FGF13: variants seen among roughly 807,000 people sequenced by gnomAD.
FGF13 encodes fibroblast growth factor homologous factor 2.
A neutral mutation model predicts 19.5 loss-of-function variants in FGF13; 2 were observed. The observed-to-expected ratio is 0.10, with a 90% CI of 0.04 to 0.32. FGF13 has a LOEUF of 0.32. Ranked by LOEUF, FGF13 falls within the 10% of genes least tolerant of loss-of-function variation. The probability of loss-of-function intolerance (pLI) is 1.00; values close to 1 mark genes in which losing one functional copy is unlikely to be tolerated. For synonymous variants in FGF13, 72 were observed against 76.9 expected (o/e 0.94, Z 0.33); for missense variants, 113 against 192.7 (o/e 0.59, Z 2.45).
At chrX:138,909,064 AGACATGCTAAAT>A (rs1200654362) in intron 1 of FGF13, among the ~76,000 whole-genome samples, 1 of 112,284 alleles carries the variant, frequency 8.9e-6, no homozygotes, top group African/African-American at 3.2e-5. Flanking sequence ...AAGGCTGCTT[AGACATGCTAAAT>A]GTGCATAGCT....
chrX:139,151,985 C>T (rs1053446003), intron 1 of FGF13, among the ~76,000 whole-genome samples: 5 of 111,086 alleles, frequency 4.5e-5, no homozygotes, highest in Non-Finnish European at 9.4e-5. Flanking sequence ...GGAAAAATGT[C>T]CAGAAAGGCT....
chrX:139,183,283 C>G (rs2084254363), intron 1 of FGF13, among the ~76,000 whole-genome samples: 1 of 112,385 alleles, frequency 8.9e-6, no homozygotes, highest in Non-Finnish European at 1.9e-5. Context: ...AGAATCAACT[C>G]TGCCCTTCCA....
intron 3 of FGF13, among the ~76,000 whole-genome samples, chrX:138,754,918 G>A (rs986112443): frequency 5.4e-5 from 6 of 110,946 alleles, no homozygotes; most frequent in Non-Finnish European, 1.1e-4. Flanking sequence ...CACTGGGAGC[G>A]GACTCTTGGA....
At chrX:139,100,691 G>A (rs2083506018) in intron 1 of FGF13, among the ~76,000 whole-genome samples, 1 of 111,775 alleles carries the variant, frequency 8.9e-6, no homozygotes, top group African/African-American at 3.3e-5. Context: ...AAGGTGAAAA[G>A]CTTTGTAATA....
chrX:138,926,935 G>A (rs887150041), intron 1 of FGF13, among the ~76,000 whole-genome samples: 4 of 111,463 alleles, frequency 3.6e-5, no homozygotes, highest in Non-Finnish European at 7.5e-5. Context: ...CAGCCTGGGC[G>A]ACAAAGCAAG....
intron 1 of FGF13, among the ~76,000 whole-genome samples, chrX:139,011,361 CAAAAA>C (rs3047329): frequency 3.6e-5 from 3 of 82,955 alleles, no homozygotes; most frequent in Non-Finnish European, 6.9e-5. Flanking sequence ...AACAAACAAA[CAAAAA>C]AAAAAAAAAA....
At chrX:139,090,656 A>G (rs776042000) in intron 1 of FGF13, among the ~76,000 whole-genome samples, 6 of 110,803 alleles carry the variant, frequency 5.4e-5, no homozygotes, top group Non-Finnish European at 1.9e-5. Context: ...GACTGCATCT[A>G]AGGCCGAGTG....
At chrX:138,772,346 G>A (rs1480731935) in intron 3 of FGF13, among the ~76,000 whole-genome samples, 1 of 107,576 alleles carries the variant, frequency 9.3e-6, no homozygotes, top group African/African-American at 3.4e-5. Flanking sequence ...CTTTCTTTTA[G>A]CACATAACAG....
At chrX:138,686,070 T>C (rs935515683) in intron 3 of FGF13, among the ~76,000 whole-genome samples, 2 of 111,213 alleles carry the variant, frequency 1.8e-5, no homozygotes, top group Admixed American at 1.9e-4. Flanking sequence ...CTATGAATAA[T>C]ATTACGTTTT....
chrX:138,809,096 G>A (rs968743389), intron 3 of FGF13, among the ~76,000 whole-genome samples: 2 of 111,948 alleles, frequency 1.8e-5, no homozygotes, highest in African/African-American at 6.5e-5. Flanking sequence ...CTCATTTTAT[G>A]AGGCCAGCAT....
In FGF13 at chrX:139,133,266, G is replaced by A. The variant is rs192400962; in HGVS notation, c.-113+70150C>T. On this transcript the variant is annotated intron_variant, in intron 1 of 2. Coordinates refer to the FGF13 transcript ENST00000421460. ...AGCTCTCCAAAGGCAGGGCTGCTTG[G>A]CCTTTGGAAGCAGTTTCTCCAGGCA... Among the ~76,000 whole-genome samples the A allele has an allele frequency of 1.0e-3, 107 of 106,774 alleles. 1 individual carries two copies. Among genetic ancestry groups the A allele is most frequent in the African/African-American group, 3.5e-3 (103 of 29,151 alleles). 92.7% of individuals were successfully genotyped at this position (106,774 alleles called of 115,157 possible).
intron 1 of FGF13, among the ~76,000 whole-genome samples, chrX:138,960,391 C>T: frequency 8.9e-6 from 1 of 112,249 alleles, no homozygotes; most frequent in Admixed American, 9.4e-5. Flanking sequence ...GAGAGACCCG[C>T]TGTTAGTCTG....
chrX:138,760,670 C>T (rs986620608), intron 3 of FGF13, among the ~76,000 whole-genome samples: 2 of 112,219 alleles, frequency 1.8e-5, no homozygotes, highest in African/African-American at 3.2e-5. Flanking sequence ...GCAAGTTTAA[C>T]TACTTTGTCC....
At chrX:138,730,201 G>A (rs1041177652) in intron 1 of FGF13, among the ~76,000 whole-genome samples, 1 of 110,585 alleles carries the variant, frequency 9.0e-6, no homozygotes, top group Non-Finnish European at 1.9e-5. Context: ...TGGAGGAGGG[G>A]GGAAGGGATA....
At chrX:138,741,843 T>G (rs776139540), upstream of FGF13, among the ~76,000 whole-genome samples, 1 of 111,937 alleles carries the variant, frequency 8.9e-6, no homozygotes, top group Non-Finnish European at 1.9e-5. Context: ...TATATTTCAA[T>G]AACGTCATCA....
chrX:138,749,934 C>A (rs1377534519), intron 3 of FGF13, among the ~76,000 whole-genome samples: 1 of 111,858 alleles, frequency 8.9e-6, no homozygotes, highest in African/African-American at 3.3e-5. Context: ...TCAGTGGCTG[C>A]AGCATGAAGA....
intron 1 of FGF13, among the ~76,000 whole-genome samples, chrX:139,063,507 A>G (rs1321629327): frequency 1.8e-5 from 2 of 111,824 alleles, no homozygotes; most frequent in African/African-American, 3.2e-5. Flanking sequence ...AAGTTCAAGT[A>G]TAATGTTGGC....
At chrX:139,161,466 C>G (rs5974799) in intron 1 of FGF13, among the ~76,000 whole-genome samples, 12,817 of 109,812 alleles carry the variant, frequency 0.12, 1,195 homozygotes, top group African/African-American at 0.32. Flanking sequence ...CACTCCTATT[C>G]AATAAAGTAT....
At chrX:138,897,268 C>T (rs778170085) in intron 1 of FGF13, among the ~76,000 whole-genome samples, 5 of 111,457 alleles carry the variant, frequency 4.5e-5, no homozygotes, top group South Asian at 7.6e-4. Flanking sequence ...CTTTGGCCTA[C>T]GAAAGTGCTG....
Sources: gnomAD v4.1 joint callset for allele counts (sites outside exome capture counted in the v4.1 genomes callset) on GRCh38, gnomAD v4.1.1 for gene constraint, MANE v1.5 for transcripts, NCBI Gene and HGNC (gene_info 2026-07-23, HGNC 2026-07-21) for gene names.